Variants in DFFB observed in about 807,000 individuals in gnomAD.
DFFB encodes the protein DNA fragmentation factor subunit beta.
Under a neutral mutation model 32.7 loss-of-function variants are expected in DFFB, and 29 were observed. The observed-to-expected ratio is 0.89, with a 90% CI of 0.66 to 1.21. The LOEUF (loss-of-function observed/expected upper bound fraction) is 1.21, where lower values mean the gene tolerates loss of function less well. Among genes scored for constraint, DFFB ranks in the 50% most tolerant of loss-of-function variants. The pLI, the probability that DFFB is intolerant of heterozygous loss-of-function variation, is 0.00. For synonymous variants in DFFB, 170 were observed against 177.1 expected (o/e 0.96, Z 0.32); for missense variants, 398 against 440.6 (o/e 0.90, Z 0.87).
intron 6 of DFFB, among the ~76,000 whole-genome samples, chr1:3,877,424 G>A (rs1645247192): frequency 6.7e-6 from 1 of 148,568 alleles, no homozygotes; most frequent in South Asian, 2.2e-4. Context: ...TGCCTCCCAG[G>A]TTCAAGCGGT....
chr1:3,867,021 G>A (rs1437135744), intron 3 of DFFB, among the ~76,000 whole-genome samples: 4 of 152,056 alleles, frequency 2.6e-5, no homozygotes, highest in South Asian at 2.1e-4. Flanking sequence ...TCAGCCTCCC[G>A]AGTAGCTGGG....
intron 6 of DFFB, among the ~76,000 whole-genome samples, chr1:3,875,114 ACACTT>A (rs1645198009): frequency 6.6e-6 from 1 of 152,252 alleles, no homozygotes; most frequent in African/African-American, 2.4e-5. Context: ...CAGGTGCAGA[ACACTT>A]CACTTTTTGA....
chr1:3,858,775 G>C lies in DFFB; in HGVS notation c.172G>C (p.Asp58His). ...LYEDGTELTE[D>H]YFPSVPDNAE... Reference sequence around the variant, plus strand: ...CGAGGATGGCACGGAGCTGACGGAAGATTACTTCCCCAGTGTTCCCGACAA... The same window carrying C: ...CGAGGATGGCACGGAGCTGACGGAACATTACTTCCCCAGTGTTCCCGACAA... The change falls in exon 2 of 7, where the codon GAT becomes CAT. Residue 58 changes from aspartate to histidine, a missense_variant. Transcript: ENST00000378209. The C allele has an allele frequency of 6.2e-7, 1 of 1,614,194 alleles. No homozygotes were observed. Among genetic ancestry groups the C allele is most frequent in the Non-Finnish European group, 8.5e-7 (1 of 1,180,046 alleles).
At position 3,857,691 on chromosome 1, in the gene DFFB, C is replaced by CT. The variant is rs1470069190; in HGVS notation, c.89dup (p.Arg31AlafsTer11). The stretch of plus-strand genomic sequence containing the variant: ...GGCTGGCCGGAGCTGCCAGGAGGTG[C>CT]TGCGCAAGGGCTGTCTCCGCTTCCA... On this transcript the variant is annotated frameshift_variant, in exon 1 of 7. Transcript: ENST00000378209. LOFTEE classifies it high-confidence loss of function. 6.3e-7 allele frequency: 1 copy of CT among 1,575,320 alleles called. No homozygotes were observed. The highest frequency in any genetic ancestry group is 2.4e-5 in the East Asian group (1 of 42,230).
rs368528016 is a variant in DFFB at position 3,874,863 on chromosome 1, G to A, written c.782+2291G>A. On this transcript the variant is annotated intron_variant, in intron 6 of 6. Transcript: ENST00000378209. ...TTTACCACATGCGTGTGGGTTTAAC[G>A]TGCACATACGTGGCCTCCCATGCTG... Among the ~76,000 whole-genome samples, 285 of 105,634 alleles carry A rather than the reference G, an allele frequency of 2.7e-3. 2 individuals carry two copies. The highest frequency in any genetic ancestry group is 1.4e-3 in the African/African-American group (37 of 27,402). The allele number at this position is 105,634 out of a possible 152,430, so 69.3% of individuals were successfully genotyped here.
At chr1:3,867,881 C>T in intron 3 of DFFB, 93 bp from the exon 4 acceptor site, 2 of 1,095,980 alleles carry the variant, frequency 1.8e-6, no homozygotes, top group East Asian at 2.4e-5. Context: ...CCCTCATATT[C>T]TGCCCTGCTT....
intron 6 of DFFB, chr1:3,873,119 T>G: frequency 1.9e-6 from 1 of 513,696 alleles, no homozygotes; most frequent in Admixed American, 3.6e-5. Context: ...CTCAGCCTCC[T>G]GAGTCGCTGG....
intron 4 of DFFB, 139 bp from the exon 5 acceptor site, chr1:3,869,466 C>T (rs1645065958): frequency 1.2e-6 from 1 of 853,176 alleles, no homozygotes; most frequent in Admixed American, 2.7e-5. Flanking sequence ...GCCGAGAGGC[C>T]ACGTGAACTC....
chr1:3,864,440 A>T (rs1644935995), intron 2 of DFFB, among the ~76,000 whole-genome samples: 1 of 152,102 alleles, frequency 6.6e-6, no homozygotes, highest in Admixed American at 6.6e-5. Context: ...GCTGTTTTTA[A>T]TTTTAGCCAT....
chr1:3,881,635 G>A (rs909949302), intron 6 of DFFB, among the ~76,000 whole-genome samples: 20 of 134,958 alleles, frequency 1.5e-4, no homozygotes, highest in African/African-American at 6.7e-4. Flanking sequence ...TCAGCACTGT[G>A]GGAGGCCAAG....
At chr1:3,883,320 A>C (rs1638224073) in intron 6 of DFFB, among the ~76,000 whole-genome samples, 187 bp from the exon 7 acceptor site, 1 of 152,190 alleles carries the variant, frequency 6.6e-6, no homozygotes, top group Non-Finnish European at 1.5e-5. Flanking sequence ...TCAAGTTTTA[A>C]AAAGTAAGAG....
chr1:3,877,549 C>T (rs77865905), intron 6 of DFFB, among the ~76,000 whole-genome samples: 28 of 151,848 alleles, frequency 1.8e-4, no homozygotes, highest in African/African-American at 6.3e-4. Context: ...GAGCTGGTCT[C>T]GAACTTCTGA....
chr1:3,861,040 G>A lies in DFFB; in HGVS notation c.241+2196G>A, dbSNP rs148675283. On this transcript the variant is annotated intron_variant, in intron 2 of 6. Coordinates refer to ENST00000378209, the MANE Select transcript of DFFB (RefSeq NM_004402.4). ...CATGGTGGCGGGCGCTTGTAATCTCGCTACTCAGGAGGCTGAGGCAGGAGA... is the reference window on the plus strand; with the variant it reads ...CATGGTGGCGGGCGCTTGTAATCTCACTACTCAGGAGGCTGAGGCAGGAGA... Among the ~76,000 whole-genome samples, 1,262 of 151,650 alleles carry A rather than the reference G, an allele frequency of 8.3e-3. 9 individuals are homozygous for A. The highest frequency in any genetic ancestry group is 0.014 in the Non-Finnish European group (920 of 67,954).
chr1:3,869,518 A>G (rs1645066774), intron 4 of DFFB, 87 bp from the exon 5 acceptor site: 2 of 1,384,264 alleles, frequency 1.4e-6, no homozygotes, highest in Admixed American at 4.3e-5. Flanking sequence ...AGGGTCTCAG[A>G]GGGCCATGGA....
At chr1:3,877,390 A>G (rs1032771690) in intron 6 of DFFB, among the ~76,000 whole-genome samples, 5 of 136,418 alleles carry the variant, frequency 3.7e-5, no homozygotes, top group Non-Finnish European at 6.1e-5. Flanking sequence ...GTGCAGTGGC[A>G]TGATCTCGAC....
chr1:3,882,607 C>G (rs898384118), intron 6 of DFFB, among the ~76,000 whole-genome samples: 22 of 152,114 alleles, frequency 1.4e-4, no homozygotes, highest in Non-Finnish European at 2.9e-4. Flanking sequence ...TCAGGTGATC[C>G]GCACGCCTCA....
intron 5 of DFFB, among the ~76,000 whole-genome samples, chr1:3,872,183 G>A (rs1645127857): frequency 6.6e-6 from 1 of 152,202 alleles, no homozygotes; most frequent in African/African-American, 2.4e-5. Context: ...GGGAGGCCAA[G>A]GCGGGCGGAT....
chr1:3,880,401 C>T (rs1043453009), intron 6 of DFFB, among the ~76,000 whole-genome samples: 6 of 152,326 alleles, frequency 3.9e-5, no homozygotes, highest in African/African-American at 9.6e-5. Context: ...TTGAGTCCAA[C>T]GGCTCACTGG....
Position 3,866,059 on chromosome 1 carries a change from G to T in DFFB, c.430+59G>T, listed in dbSNP as rs1437729177. 2.1e-6 allele frequency: 3 copies of T among 1,407,542 alleles called. No individual in the cohort carries two copies. In the African/African-American group the frequency reaches 4.3e-5, roughly 20 times the overall value. 87.2% of individuals were successfully genotyped at this position (1,407,542 alleles called of 1,614,324 possible). Reference sequence around the variant, plus strand: ...TTCTTTGGAGCCTGAGGTGCCAGAAGAAGTTGGATTCCAAAAAGCCCCCAG... The same window carrying T: ...TTCTTTGGAGCCTGAGGTGCCAGAATAAGTTGGATTCCAAAAAGCCCCCAG... On this transcript the variant is annotated intron_variant, in intron 3 of 6. Transcript: ENST00000378209.
Sources: gnomAD v4.1 joint callset for allele counts (sites outside exome capture counted in the v4.1 genomes callset) on GRCh38, gnomAD v4.1.1 for gene constraint, MANE v1.5 for transcripts, NCBI Gene and HGNC (gene_info 2026-07-23, HGNC 2026-07-21) for gene names.